Variants in MAPRE2 observed in about 807,000 individuals in gnomAD.
The protein encoded by MAPRE2 is microtubule-associated protein RP/EB family member 2.
MAPRE2 carries 13 observed loss-of-function variants against 43.2 expected under a neutral mutation model. The observed-to-expected ratio is 0.30, with a 90% CI of 0.20 to 0.48. MAPRE2 has a LOEUF of 0.48. Among genes scored for constraint, MAPRE2 ranks in the 20% least tolerant of loss-of-function variants. The pLI is 0.99. For missense variants in MAPRE2, 161 were observed against 400.2 expected, an observed-to-expected ratio of 0.40 and a Z score of 5.10; for synonymous variants, 135 against 148.8, an observed-to-expected ratio of 0.91 and a Z score of 0.68.
chr18:35,038,721 G>A (rs991714120), upstream of MAPRE2, among the ~76,000 whole-genome samples: 62 of 152,316 alleles, frequency 4.1e-4, no homozygotes, highest in African/African-American at 1.5e-3. Flanking sequence ...CTAGGGCTCA[G>A]CTGGAAAATG....
intron 1 of MAPRE2, among the ~76,000 whole-genome samples, chr18:35,005,084 G>A (rs2097031203): frequency 6.6e-6 from 1 of 152,080 alleles, no homozygotes; most frequent in South Asian, 2.1e-4. Flanking sequence ...CTAAGTTTGG[G>A]GAATTCAGTA....
chr18:35,005,843 C>G (rs370803162), intron 2 of MAPRE2, among the ~76,000 whole-genome samples: 4 of 152,184 alleles, frequency 2.6e-5, no homozygotes, highest in Admixed American at 6.5e-5. Flanking sequence ...GGTAGAATAT[C>G]AAGATATGGT....
upstream of MAPRE2, among the ~76,000 whole-genome samples, chr18:35,038,023 C>G (rs1266404079): frequency 6.6e-6 from 1 of 152,188 alleles, no homozygotes; most frequent in African/African-American, 2.4e-5. Context: ...GTGGTCTATG[C>G]TGACCCCTAC....
rs12959315 is a variant in MAPRE2, at chr18:35,011,821, A to G, written c.-8+6268A>G. Among the ~76,000 whole-genome samples, 736 of 152,346 alleles carry G rather than the reference A, an allele frequency of 4.8e-3. 2 individuals are homozygous for G. The highest frequency in any genetic ancestry group is 7.6e-3 in the Non-Finnish European group (514 of 68,032). On this transcript the variant is annotated intron_variant, in intron 2 of 7. Coordinates refer to the MAPRE2 transcript ENST00000413393. ...GAAGACGTCAAGGAGTTATTCATTC[A>G]TCTAGCGAACACACAGTGAGTGCTT... is the stretch of plus-strand genomic sequence containing the variant.
chr18:34,997,049 G>A (rs1603388135), intron 1 of MAPRE2, among the ~76,000 whole-genome samples: 1 of 152,156 alleles, frequency 6.6e-6, no homozygotes, highest in East Asian at 1.9e-4. Context: ...CTTAAAAAAG[G>A]GGGGTGGGAG....
intron 2 of MAPRE2, among the ~76,000 whole-genome samples, chr18:35,016,246 G>A (rs1027891730): frequency 6.6e-6 from 1 of 151,986 alleles, no homozygotes; most frequent in African/African-American, 2.4e-5. Flanking sequence ...ATTGTGAACA[G>A]TGCTGCAGTG....
chr18:35,012,339 A>G (rs893823251), intron 2 of MAPRE2, among the ~76,000 whole-genome samples: 1 of 152,206 alleles, frequency 6.6e-6, no homozygotes, highest in Non-Finnish European at 1.5e-5. Flanking sequence ...AGCCACAAAT[A>G]TAGATAAAAT....
intron 2 of MAPRE2, among the ~76,000 whole-genome samples, chr18:35,019,606 T>C (rs1471430987): frequency 6.6e-6 from 1 of 152,092 alleles, no homozygotes; most frequent in African/African-American, 2.4e-5. Context: ...CAGTTTTCCA[T>C]GCTACAGTAC....
At chr18:35,034,269 A>T (rs568072813) in intron 2 of MAPRE2, among the ~76,000 whole-genome samples, 2 of 152,140 alleles carry the variant, frequency 1.3e-5, no homozygotes, top group African/African-American at 4.8e-5. Context: ...GGGAAAGGAT[A>T]CCCTATTTAA....
chr18:35,065,166 C>T (rs1293009844), intron 1 of MAPRE2, among the ~76,000 whole-genome samples: 2 of 152,068 alleles, frequency 1.3e-5, no homozygotes, highest in Non-Finnish European at 2.9e-5. Context: ...GGCGTGGTGG[C>T]ATGTGCCTGC....
intron 1 of MAPRE2, among the ~76,000 whole-genome samples, chr18:35,046,723 A>T (rs1399579358): frequency 1.3e-5 from 2 of 152,188 alleles, no homozygotes; most frequent in South Asian, 4.1e-4. Context: ...AAAATACTTA[A>T]TGCCATGCGA....
chr18:35,048,089 C>T (rs762986665), intron 1 of MAPRE2, among the ~76,000 whole-genome samples: 5 of 152,190 alleles, frequency 3.3e-5, no homozygotes, highest in Non-Finnish European at 7.3e-5. Context: ...CTGGCACCAG[C>T]ATCTGCTCAG....
At chr18:35,107,592 TC>T (rs1272976535) in intron 4 of MAPRE2, among the ~76,000 whole-genome samples, 12 of 152,162 alleles carry the variant, frequency 7.9e-5, no homozygotes, top group African/African-American at 2.7e-4. Context: ...GTGGTTTTCA[TC>T]CTTGTTCTGA....
intron 1 of MAPRE2, among the ~76,000 whole-genome samples, chr18:35,068,502 G>GGATATATGGATTATAA (rs1338826519): frequency 9.2e-5 from 14 of 152,156 alleles, no homozygotes; most frequent in African/African-American, 3.4e-4. Context: ...ATATGTTTAA[G>GGATATATGGATTATAA]TCCATGGATT....
chr18:35,010,093 T>C (rs1329013667), intron 2 of MAPRE2, among the ~76,000 whole-genome samples: 2 of 152,326 alleles, frequency 1.3e-5, no homozygotes, highest in East Asian at 1.9e-4. Context: ...CAATTTTTAA[T>C]TAAAATTTTA....
intron 1 of MAPRE2, chr18:34,978,555 T>C (rs930400072): frequency 3.9e-6 from 6 of 1,551,570 alleles, no homozygotes; most frequent in Non-Finnish European, 5.2e-6. Context: ...ATCTGAAGAA[T>C]GGCAACATTT....
At chr18:35,083,998 A>G (rs932325870) in intron 2 of MAPRE2, among the ~76,000 whole-genome samples, 1 of 152,228 alleles carries the variant, frequency 6.6e-6, no homozygotes, top group African/African-American at 2.4e-5. Context: ...AGTAATATTA[A>G]TATCTGATCA....
At chr18:35,071,021 C>T (rs1450661205) in intron 2 of MAPRE2, among the ~76,000 whole-genome samples, 1 of 152,176 alleles carries the variant, frequency 6.6e-6, no homozygotes, top group Admixed American at 6.5e-5. Context: ...CTTGCCACGT[C>T]GTGTTAGGAT....
chr18:35,080,799 C>T (rs764315711), intron 2 of MAPRE2, among the ~76,000 whole-genome samples: 12 of 145,278 alleles, frequency 8.3e-5, no homozygotes, highest in Non-Finnish European at 1.8e-4. Flanking sequence ...AAGACACCAT[C>T]ATTTTTCAGA....
Sources: allele counts gnomAD v4.1 joint callset (sites outside exome capture counted in the v4.1 genomes callset), GRCh38; gene constraint gnomAD v4.1.1; transcripts MANE v1.5; gene names NCBI Gene and HGNC (gene_info 2026-07-23, HGNC 2026-07-21).